Variants in PPFIA2 observed in about 807,000 individuals in gnomAD.
PPFIA2 encodes PPFI scaffold protein A2, also known as liprin-alpha-2.
PPFIA2 carries 46 observed loss-of-function variants against 175.5 expected under a neutral mutation model. That is an observed-to-expected ratio of 0.26 (90% CI 0.21 to 0.34). The LOEUF (loss-of-function observed/expected upper bound fraction) is 0.34. PPFIA2 is among the 10% of genes least tolerant of loss of function. The pLI is 1.00. For missense variants in PPFIA2, 1,179 were observed against 1,506.1 expected, an observed-to-expected ratio of 0.78 and a Z score of 3.60; for synonymous variants, 568 against 511.4, an observed-to-expected ratio of 1.11 and a Z score of -1.49.
intron 9 of PPFIA2, among the ~76,000 whole-genome samples, chr12:81,382,485 T>C (rs190195276): frequency 7.2e-5 from 11 of 152,248 alleles, no homozygotes; most frequent in Non-Finnish European, 4.4e-5. Context: ...AGGAAACAGA[T>C]GACCATTGAA....
Position 81,534,529 on chromosome 12 carries a change from C to T in PPFIA2, c.304-76663G>A, listed in dbSNP as rs187873289. Among the ~76,000 whole-genome samples the T allele has an allele frequency of 7.0e-4, 107 of 151,776 alleles. No homozygotes were observed. In the Middle Eastern group the frequency reaches 0.01, roughly 14 times the overall value. On this transcript the variant is annotated intron_variant, in intron 4 of 32. Transcript: ENST00000549396. Reference sequence around the variant, plus strand: ...TGCATTTTCCCTCTTGGAAATTATACTGGTTTCTTTTTACTTTTCATTCTT... The same window carrying T: ...TGCATTTTCCCTCTTGGAAATTATATTGGTTTCTTTTTACTTTTCATTCTT...
In PPFIA2 at chr12:81,294,958, T is replaced by G. The variant is rs1395576939; in HGVS notation, c.2802A>C (p.Leu934Phe). The G allele has an allele frequency of 6.2e-7, 1 of 1,613,712 alleles. No individual in the cohort carries two copies. Among genetic ancestry groups the G allele is most frequent in the Non-Finnish European group, 8.5e-7 (1 of 1,179,788 alleles). ...NVKSGAIMSA[L>F]SDTEIQREIG... is the part of the protein sequence containing the mutation. ...TTTCTCTCTGGATCTCAGTGTCAGATAAAGCAGACATGATGGCACCACTCT... is the reference window on the plus strand; with the variant it reads ...TTTCTCTCTGGATCTCAGTGTCAGAGAAAGCAGACATGATGGCACCACTCT... Residue 934 changes from leucine (L) to phenylalanine (F), a missense_variant, in exon 24 of 33, where the codon TTA becomes TTC. Physicochemically the swap from Leu to Phe is conservative, Grantham distance 22 (BLOSUM62 0). Coordinates refer to ENST00000549396, the MANE Select transcript of PPFIA2 (RefSeq NM_003625.5).
intron 3 of PPFIA2, among the ~76,000 whole-genome samples, chr12:81,699,583 T>C (rs2076273777): frequency 6.6e-6 from 1 of 151,868 alleles, no homozygotes. Flanking sequence ...TCTTGACTAT[T>C]TGAATTATAT....
In PPFIA2 at chr12:81,322,296, G is replaced by T. The variant is rs965754443; in HGVS notation, c.2642+3481C>A. 1.1e-4 allele frequency among the ~76,000 whole-genome samples: 16 copies of T among 152,266 alleles called. No homozygotes were observed. In the East Asian group the frequency reaches 1.9e-3, roughly 18 times the overall value. ...AGGTCTGGTTGTTCTAAACGTAATA[G>T]TAAAAGAGAAGATATTTTTGTTAAA... On this transcript the variant is annotated intron_variant, in intron 22 of 32. Coordinates refer to ENST00000549396, the MANE Select transcript of PPFIA2 (RefSeq NM_003625.5).
At chr12:81,490,302 A>T (rs2059289901) in intron 4 of PPFIA2, among the ~76,000 whole-genome samples, 2 of 151,994 alleles carry the variant, frequency 1.3e-5, no homozygotes, top group Admixed American at 6.6e-5. Flanking sequence ...ACCCACTGAA[A>T]ATAGCCAATC....
chr12:81,662,532 C>T lies in PPFIA2; in HGVS notation c.303+14259G>A, dbSNP rs543522012. ...GTTGAATCTCTGAATAGACCAATAA[C>T]AGGCTCTGAAATTGAGGCTATAATT... On this transcript the variant is annotated intron_variant, in intron 4 of 32. Coordinates refer to ENST00000549396, the MANE Select transcript of PPFIA2 (RefSeq NM_003625.5). Among the ~76,000 whole-genome samples the T allele has an allele frequency of 5.9e-5, 9 of 152,298 alleles. No individual in the cohort carries two copies. In the East Asian group the frequency reaches 1.4e-3, roughly 23 times the overall value.
intron 22 of PPFIA2, among the ~76,000 whole-genome samples, chr12:81,300,366 T>G (rs569909859): frequency 1.3e-5 from 2 of 152,300 alleles, no homozygotes; most frequent in Non-Finnish European, 2.9e-5. Context: ...CTTAGGAATA[T>G]TTCATGAAAA....
At chr12:81,297,236 C>G (rs2046688797) in intron 23 of PPFIA2, among the ~76,000 whole-genome samples, 1 of 152,148 alleles carries the variant, frequency 6.6e-6, no homozygotes, top group African/African-American at 2.4e-5. Context: ...CTGTGAGAGA[C>G]TCTGAGCAGA....
intron 4 of PPFIA2, among the ~76,000 whole-genome samples, chr12:81,639,016 T>C (rs1567672792): frequency 6.6e-6 from 1 of 152,220 alleles, no homozygotes; most frequent in Non-Finnish European, 1.5e-5. Context: ...TTTCCCACTT[T>C]AATATACTTC....
chr12:81,262,060 C>A lies in PPFIA2; in HGVS notation c.3716-20G>T. ...AAGCAACTGCAAATGGAGAAAAGGG[C>A]TTTAGAGGGACTTGGATGATTGAGT... On this transcript the variant is annotated intron_variant, in intron 31 of 32. Coordinates refer to ENST00000549396, the MANE Select transcript of PPFIA2 (RefSeq NM_003625.5). The A allele has an allele frequency of 6.6e-7, 1 of 1,513,156 alleles. No homozygotes were observed. The highest frequency in any genetic ancestry group is 2.3e-5 in the East Asian group (1 of 44,084). The allele number at this position is 1,513,156 out of a possible 1,614,324, so 93.7% of individuals were successfully genotyped here. A position where few individuals can be genotyped will look rare whatever the true frequency, so the allele number is the denominator to read the frequency against.
intron 4 of PPFIA2, among the ~76,000 whole-genome samples, chr12:81,497,573 C>G (rs1264959924): frequency 1.3e-5 from 1 of 75,300 alleles, no homozygotes; most frequent in Admixed American, 2.0e-4. Context: ...GAGTTTTGCT[C>G]TTATTGCCCA....
rs568021024 is a variant in PPFIA2, at chr12:81,369,088, G to A, written c.1350+23C>T. The A allele has an allele frequency of 7.2e-6, 11 of 1,537,056 alleles. No homozygotes were observed. The East Asian group carries it at 2.3e-4, about 32-fold the overall frequency. ...GAATTCATAAACCAATGATTGGGGG[G>A]TAATAGTTCTTAATATACATACTCT... On this transcript the variant is annotated intron_variant, in intron 12 of 32. Coordinates refer to ENST00000549396, the MANE Select transcript of PPFIA2 (RefSeq NM_003625.5).
chr12:81,259,353 A>T lies in PPFIA2; in HGVS notation c.*341T>A, dbSNP rs2034616452. 3.6e-6 allele frequency: 2 copies of T among 550,228 alleles called. No homozygotes were observed. The highest frequency in any genetic ancestry group is 6.7e-6 in the Non-Finnish European group (2 of 300,504). The allele number at this position is 550,228 out of a possible 1,614,324, so 34.1% of individuals were successfully genotyped here. On this transcript the variant is annotated 3_prime_UTR_variant, in exon 33 of 33. Transcript: ENST00000549396. The stretch of plus-strand genomic sequence containing the variant: ...ACACATTTAAAAAGAAATGCACGGT[A>T]ATACATAAATGCCTAGTATATTACA...
At chr12:81,486,380 T>C (rs1842760046) in intron 4 of PPFIA2, among the ~76,000 whole-genome samples, 1 of 151,906 alleles carries the variant, frequency 6.6e-6, no homozygotes, top group South Asian at 2.1e-4. Context: ...TATTATAACA[T>C]GAACATTGCA....
chr12:81,347,433 A>G (rs1566321637), intron 18 of PPFIA2, 100 bp downstream of exon 18: 1 of 1,005,870 alleles, frequency 9.9e-7, no homozygotes, highest in Non-Finnish European at 1.6e-6. Flanking sequence ...AATAAAATAC[A>G]CAGAAAGTAC....
intron 22 of PPFIA2, among the ~76,000 whole-genome samples, chr12:81,301,211 G>A (rs2047750244): frequency 6.6e-6 from 1 of 152,042 alleles, no homozygotes; most frequent in South Asian, 2.1e-4. Context: ...CATGAAATAC[G>A]TGGAAGAAAA....
chr12:81,694,640 A>G (rs916814950), intron 3 of PPFIA2, among the ~76,000 whole-genome samples: 3 of 152,148 alleles, frequency 2.0e-5, no homozygotes, highest in Non-Finnish European at 2.9e-5. Context: ...GGAAGCTCCA[A>G]TGGGAAAAGT....
chr12:81,678,537 T>C (rs187835836), intron 3 of PPFIA2, among the ~76,000 whole-genome samples: 1 of 151,876 alleles, frequency 6.6e-6, no homozygotes, highest in Admixed American at 6.6e-5. Flanking sequence ...TGACAAGGAG[T>C]ACTTACCAAG....
chr12:81,661,414 A>C (rs1468760418), intron 4 of PPFIA2, among the ~76,000 whole-genome samples: 1 of 152,200 alleles, frequency 6.6e-6, no homozygotes, highest in Non-Finnish European at 1.5e-5. Context: ...CTCTGGTAAA[A>C]CAGACTTTAA....
Sources: allele counts gnomAD v4.1 joint callset (sites outside exome capture counted in the v4.1 genomes callset), GRCh38; gene constraint gnomAD v4.1.1; transcripts MANE v1.5; gene names NCBI Gene and HGNC (gene_info 2026-07-23, HGNC 2026-07-21).